EVL: variants seen among roughly 807,000 people sequenced by gnomAD.
EVL encodes the protein ena/VASP-like protein.
In EVL, 21 loss-of-function variants were observed where a neutral mutation model predicts 59.6. The ratio of observed to expected loss-of-function variants is 0.35; its 90% confidence interval spans 0.25 to 0.51. The LOEUF (loss-of-function observed/expected upper bound fraction) is 0.51. Among genes scored for constraint, EVL ranks in the 20% least tolerant of loss-of-function variants. EVL has a pLI of 0.97. For synonymous variants in EVL, 198 were observed against 203.5 expected (o/e 0.97, Z 0.23); for missense variants, 462 against 546.6 (o/e 0.85, Z 1.54).
At chr14:100,120,454 G>A (rs1262999538) in intron 3 of EVL, among the ~76,000 whole-genome samples, 4 of 152,260 alleles carry the variant, frequency 2.6e-5, no homozygotes, top group African/African-American at 7.2e-5. Flanking sequence ...GAATATGGGT[G>A]AGAAAGCTGT....
intron 1 of EVL, among the ~76,000 whole-genome samples, chr14:100,081,845 A>G (rs2062315233): frequency 6.6e-6 from 1 of 152,224 alleles, no homozygotes; most frequent in African/African-American, 2.4e-5. Flanking sequence ...CACGCCTGTA[A>G]TCCCAGCACT....
At chr14:100,089,481 T>A (rs1192356644) in intron 2 of EVL, among the ~76,000 whole-genome samples, 1 of 152,372 alleles carries the variant, frequency 6.6e-6, no homozygotes, top group East Asian at 1.9e-4. Context: ...GGGTAACTTT[T>A]AAAATCTCCA....
Position 100,131,578 on chromosome 14 carries a change from C to T in EVL, c.840-1141C>T, listed in dbSNP as rs1009705325. Among the ~76,000 whole-genome samples, 6 of 152,322 alleles carry T rather than the reference C, an allele frequency of 3.9e-5. No homozygotes were observed. The South Asian group carries it at 6.2e-4, about 16-fold the overall frequency. Reference sequence around the variant, plus strand: ...GCAGCACTTTCACAGACACTCATCCCGCCTACACTCCCCGTGAGCAGGTGG... The same window carrying T: ...GCAGCACTTTCACAGACACTCATCCTGCCTACACTCCCCGTGAGCAGGTGG... On this transcript the variant is annotated intron_variant, in intron 7 of 13. Coordinates refer to ENST00000392920, the MANE Select transcript of EVL (RefSeq NM_016337.3).
intron 1 of EVL, among the ~76,000 whole-genome samples, chr14:100,026,237 A>C (rs575513415): frequency 1.6e-5 from 2 of 126,796 alleles, no homozygotes; most frequent in East Asian, 2.1e-4. Context: ...TCAGGAAAAA[A>C]AAAAACAAAA....
At chr14:100,058,800 C>T (rs1480380116) in intron 1 of EVL, among the ~76,000 whole-genome samples, 1 of 152,140 alleles carries the variant, frequency 6.6e-6, no homozygotes, top group Non-Finnish European at 1.5e-5. Flanking sequence ...TTTTTTGCTT[C>T]TTTTCATAAT....
At chr14:99,982,137 C>A (rs2060811156) in intron 1 of EVL, among the ~76,000 whole-genome samples, 1 of 152,140 alleles carries the variant, frequency 6.6e-6, no homozygotes, top group African/African-American at 2.4e-5. Context: ...TTACAGATAA[C>A]CACATCAAAC....
intron 3 of EVL, among the ~76,000 whole-genome samples, chr14:100,122,153 G>A (rs982759025): frequency 6.6e-6 from 1 of 152,308 alleles, no homozygotes; most frequent in East Asian, 1.9e-4. Context: ...GGGGCGGGGG[G>A]ACACATGCCC....
At chr14:100,048,328 T>G (rs1484858375) in intron 1 of EVL, among the ~76,000 whole-genome samples, 1 of 152,170 alleles carries the variant, frequency 6.6e-6, no homozygotes, top group African/African-American at 2.4e-5. Context: ...TTTTTTCAAC[T>G]GGGCAAAAGA....
intron 7 of EVL, among the ~76,000 whole-genome samples, chr14:100,129,900 G>A (rs1888323321): frequency 6.6e-6 from 1 of 152,238 alleles, no homozygotes; most frequent in African/African-American, 2.4e-5. Flanking sequence ...CTTCATTTTA[G>A]CTCAGCAAAT....
At chr14:100,102,998 A>G (rs1291327808) in intron 3 of EVL, among the ~76,000 whole-genome samples, 1 of 151,338 alleles carries the variant, frequency 6.6e-6, no homozygotes, top group Non-Finnish European at 1.5e-5. Flanking sequence ...GCTACTTGGG[A>G]GGCTGAGGCA....
At chr14:100,032,540 G>A (rs1301945831) in intron 1 of EVL, among the ~76,000 whole-genome samples, 1 of 152,130 alleles carries the variant, frequency 6.6e-6, no homozygotes, top group Non-Finnish European at 1.5e-5. Context: ...GCTTTTCATT[G>A]TTTTCTACAG....
At chr14:100,143,368 G>A (rs868299938) in intron 13 of EVL, among the ~76,000 whole-genome samples, 13 of 152,122 alleles carry the variant, frequency 8.5e-5, no homozygotes, top group South Asian at 2.1e-4. Context: ...GAGACCCTGC[G>A]TCCCCACACA....
chr14:100,125,194 A>C (rs867070679), intron 4 of EVL, among the ~76,000 whole-genome samples: 59 of 114,794 alleles, frequency 5.1e-4, no homozygotes, highest in African/African-American at 1.2e-3. Context: ...ACACACACAC[A>C]CCTGCCCCAA....
At chr14:100,034,669 T>G (rs2061362709) in intron 1 of EVL, among the ~76,000 whole-genome samples, 1 of 151,870 alleles carries the variant, frequency 6.6e-6, no homozygotes, top group Non-Finnish European at 1.5e-5. Context: ...GCCCAGAAAT[T>G]CGAGGCTACA....
intron 11 of EVL, 77 bp from the exon 12 acceptor site, chr14:100,141,103 G>T: frequency 1.4e-6 from 2 of 1,450,330 alleles, no homozygotes. Flanking sequence ...GGCCCAGCCT[G>T]AGCGGGGCCT....
At chr14:100,110,501 C>T (rs1020601449) in intron 3 of EVL, among the ~76,000 whole-genome samples, 9 of 151,978 alleles carry the variant, frequency 5.9e-5, no homozygotes, top group Admixed American at 2.0e-4. Context: ...CTGAGGGAAG[C>T]GGGGCTTGAA....
intron 1 of EVL, among the ~76,000 whole-genome samples, chr14:100,017,239 G>C (rs912435725): frequency 6.6e-6 from 1 of 152,174 alleles, no homozygotes; most frequent in Non-Finnish European, 1.5e-5. Flanking sequence ...CCTCTACCAG[G>C]ACCTTATGAA....
intron 1 of EVL, among the ~76,000 whole-genome samples, chr14:100,008,042 T>A (rs940320179): frequency 1.3e-5 from 2 of 152,156 alleles, no homozygotes; most frequent in African/African-American, 4.8e-5. Context: ...TAAAAGTATC[T>A]CCAGACGTTG....
At chr14:100,027,810 G>A (rs926020846) in intron 1 of EVL, among the ~76,000 whole-genome samples, 2 of 152,156 alleles carry the variant, frequency 1.3e-5, no homozygotes, top group Non-Finnish European at 2.9e-5. Flanking sequence ...AAGTAGCTGG[G>A]ATTACAGGCA....
Sources: allele counts gnomAD v4.1 joint callset (sites outside exome capture counted in the v4.1 genomes callset), GRCh38; gene constraint gnomAD v4.1.1; transcripts MANE v1.5; gene names NCBI Gene and HGNC (gene_info 2026-07-23, HGNC 2026-07-21).